The following GRIA3 variants were observed in gnomAD, a reference collection of about 807,000 sequenced individuals.
The protein encoded by GRIA3 is glutamate receptor 3.
A neutral mutation model predicts 63.0 loss-of-function variants in GRIA3; 3 were observed. The ratio of observed to expected loss-of-function variants is 0.05; its 90% CI spans 0.02 to 0.12. The LOEUF (loss-of-function observed/expected upper bound fraction) is 0.12. Among genes scored for constraint, GRIA3 ranks in the 10% least tolerant of loss-of-function variants. The pLI, the probability that GRIA3 is intolerant of heterozygous loss-of-function variation, is 1.00. For synonymous variants in GRIA3, 274 were observed against 257.9 expected (o/e 1.06, Z -0.60); for missense variants, 347 against 700.9 (o/e 0.50, Z 5.70).
At chrX:123,480,296 T>C in intron 14 of GRIA3, 119 bp downstream of exon 14, 1 of 515,976 alleles carries the variant, frequency 1.9e-6, no homozygotes, top group Non-Finnish European at 3.5e-6. Context: ...TGGGACCCCT[T>C]TATAACAACA....
chrX:123,382,603 G>A (rs190291518), intron 5 of GRIA3, among the ~76,000 whole-genome samples: 8 of 111,541 alleles, frequency 7.2e-5, no homozygotes, highest in African/African-American at 2.3e-4. Context: ...GGGTGTATGC[G>A]GCAGGATGAA....
At chrX:123,320,155 T>C (rs2044858779) in intron 3 of GRIA3, among the ~76,000 whole-genome samples, 1 of 111,629 alleles carries the variant, frequency 9.0e-6, no homozygotes, top group Non-Finnish European at 1.9e-5. Context: ...ACTAACCTTC[T>C]GTGGACCTGT....
At chrX:123,460,008 C>G (rs1320412265) in intron 12 of GRIA3, among the ~76,000 whole-genome samples, 1 of 111,611 alleles carries the variant, frequency 9.0e-6, no homozygotes, top group Non-Finnish European at 1.9e-5. Flanking sequence ...AGAGTCCAAT[C>G]ATTTCTGCCA....
chrX:123,338,231 G>C (rs1327110490), intron 4 of GRIA3, among the ~76,000 whole-genome samples: 2 of 112,231 alleles, frequency 1.8e-5, no homozygotes, highest in Admixed American at 1.9e-4. Context: ...TGAGAATTGG[G>C]TGTGGCTACA....
At chrX:123,391,537 T>C (rs1179412077) in intron 5 of GRIA3, among the ~76,000 whole-genome samples, 1 of 111,369 alleles carries the variant, frequency 9.0e-6, no homozygotes, top group Non-Finnish European at 1.9e-5. Context: ...CCAGTGGTAG[T>C]AGCAACAGGT....
At chrX:123,329,679 G>T (rs183037552) in intron 4 of GRIA3, among the ~76,000 whole-genome samples, 1 of 111,563 alleles carries the variant, frequency 9.0e-6, no homozygotes, top group Non-Finnish European at 1.9e-5. Context: ...AATATTTAGA[G>T]ATGGTATATC....
At chrX:123,351,355 C>T (rs183426864) in intron 4 of GRIA3, among the ~76,000 whole-genome samples, 18 of 111,920 alleles carry the variant, frequency 1.6e-4, no homozygotes, top group Admixed American at 1.3e-3. Flanking sequence ...CAAAACATGA[C>T]ACTTTTTGTG....
intron 3 of GRIA3, among the ~76,000 whole-genome samples, chrX:123,290,460 C>T (rs762313706): frequency 7.9e-4 from 88 of 110,799 alleles, no homozygotes; most frequent in African/African-American, 2.8e-3. Context: ...ATATAGGTTG[C>T]TAGGACACAG....
At chrX:123,462,373 T>A (rs749241383) in intron 12 of GRIA3, among the ~76,000 whole-genome samples, 7 of 112,012 alleles carry the variant, frequency 6.2e-5, no homozygotes, top group Non-Finnish European at 1.3e-4. Context: ...ATTATCCACC[T>A]AAGCTCATTT....
chrX:123,403,255 T>C (rs2045452674), intron 8 of GRIA3, among the ~76,000 whole-genome samples, 157 bp downstream of exon 8: 1 of 111,580 alleles, frequency 9.0e-6, no homozygotes, highest in Non-Finnish European at 1.9e-5. Flanking sequence ...TATGTGTCAG[T>C]GTTGGGGGTC....
At chrX:123,299,952 T>G (rs999337519) in intron 3 of GRIA3, among the ~76,000 whole-genome samples, 4 of 111,871 alleles carry the variant, frequency 3.6e-5, no homozygotes, top group Non-Finnish European at 7.5e-5. Context: ...ATGTTGAATT[T>G]TATCAAAAGC....
At chrX:123,228,179 T>C (rs1388657270) in intron 2 of GRIA3, among the ~76,000 whole-genome samples, 3 of 111,907 alleles carry the variant, frequency 2.7e-5, no homozygotes, top group Non-Finnish European at 1.9e-5. Context: ...CCTATGCTTG[T>C]CAATGAAAGG....
At chrX:123,480,523 C>CAA (rs370513617) in intron 14 of GRIA3, among the ~76,000 whole-genome samples, 3 of 111,040 alleles carry the variant, frequency 2.7e-5, no homozygotes, top group African/African-American at 9.8e-5. Context: ...CAACAACAAC[C>CAA]AAAAAAAAGA....
chrX:123,281,745 A>G (rs2044587184), intron 3 of GRIA3, among the ~76,000 whole-genome samples: 1 of 111,945 alleles, frequency 8.9e-6, no homozygotes, highest in South Asian at 3.8e-4. Context: ...ACTTCATAAG[A>G]TGACTATCAA....
intron 3 of GRIA3, among the ~76,000 whole-genome samples, chrX:123,313,400 C>A (rs1229912996): frequency 9.0e-6 from 1 of 111,211 alleles, no homozygotes; most frequent in East Asian, 2.8e-4. Flanking sequence ...CAAGAGTTTG[C>A]CCTTAATATT....
intron 2 of GRIA3, among the ~76,000 whole-genome samples, chrX:123,233,971 A>G (rs944697372): frequency 8.9e-6 from 1 of 111,790 alleles, no homozygotes; most frequent in Non-Finnish European, 1.9e-5. Context: ...CTACAGTAAA[A>G]TTAAGAAAAT....
rs573546477 is a variant in GRIA3 at position 123,288,251 on chromosome X, A to T, written c.508+34709A>T. On this transcript the variant is annotated intron_variant, in intron 3 of 15. Transcript: ENST00000620443. ...AAACTGGACCCCTTCCTTACACCTTATAAAAAAATTAACTCAAGATGGATC... is the reference window on the plus strand; with the variant it reads ...AAACTGGACCCCTTCCTTACACCTTTTAAAAAAATTAACTCAAGATGGATC... Among the ~76,000 whole-genome samples the T allele has an allele frequency of 2.1e-4, 23 of 111,813 alleles. No homozygotes were observed. In the South Asian group the frequency reaches 8.6e-3, roughly 42 times the overall value.
intron 4 of GRIA3, among the ~76,000 whole-genome samples, chrX:123,328,241 C>T (rs2044919118): frequency 9.0e-6 from 1 of 111,444 alleles, no homozygotes; most frequent in South Asian, 3.7e-4. Flanking sequence ...CTCTACATCA[C>T]ATGGTTGGTA....
chrX:123,432,458 T>C (rs2045623262), intron 12 of GRIA3, among the ~76,000 whole-genome samples: 1 of 112,037 alleles, frequency 8.9e-6, no homozygotes, highest in Non-Finnish European at 1.9e-5. Context: ...GGCTCTTGTG[T>C]TTATTTGGGC....
Sources: gnomAD v4.1 joint callset for allele counts (sites outside exome capture counted in the v4.1 genomes callset) on GRCh38, gnomAD v4.1.1 for gene constraint, MANE v1.5 for transcripts, NCBI Gene and HGNC (gene_info 2026-07-23, HGNC 2026-07-21) for gene names.